Variants in MTSS1 observed in about 807,000 individuals in gnomAD.
The protein encoded by MTSS1 is protein MTSS 1.
Under a neutral mutation model 79.0 loss-of-function variants are expected in MTSS1, and 18 were observed. The observed-to-expected ratio is 0.23, with a 90% CI of 0.16 to 0.34. MTSS1 has a LOEUF of 0.34. MTSS1 is among the 10% of genes least tolerant of loss of function. The pLI, the probability that MTSS1 is intolerant of heterozygous loss-of-function variation, is 1.00. For missense variants in MTSS1, 815 were observed against 986.2 expected (o/e 0.83, Z 2.33); for synonymous variants, 341 against 368.6 (o/e 0.93, Z 0.86).
chr8:124,651,637 T>G (rs1204705128), intron 3 of MTSS1, among the ~76,000 whole-genome samples: 1 of 152,010 alleles, frequency 6.6e-6, no homozygotes, highest in East Asian at 1.9e-4. Flanking sequence ...AGAAAAGCAG[T>G]TATTTCGGTT....
At chr8:124,680,345 C>T (rs536237285) in intron 3 of MTSS1, among the ~76,000 whole-genome samples, 9 of 152,182 alleles carry the variant, frequency 5.9e-5, no homozygotes, top group East Asian at 1.9e-4. Context: ...GTCATCCGAA[C>T]GGGGTCCTCA....
At chr8:124,717,303 C>G (rs1057223968) in intron 1 of MTSS1, among the ~76,000 whole-genome samples, 1 of 151,982 alleles carries the variant, frequency 6.6e-6, no homozygotes, top group Non-Finnish European at 1.5e-5. Context: ...ACCAGCCTGG[C>G]CAACATGACA....
intron 4 of MTSS1, among the ~76,000 whole-genome samples, chr8:124,590,221 C>T (rs1429586364): frequency 6.6e-6 from 1 of 152,164 alleles, no homozygotes; most frequent in African/African-American, 2.4e-5. Context: ...CCCTTCTTCC[C>T]ATTTTCCCTG....
chr8:124,622,173 G>A (rs1248471626), intron 3 of MTSS1, among the ~76,000 whole-genome samples: 2 of 152,076 alleles, frequency 1.3e-5, no homozygotes, highest in Non-Finnish European at 2.9e-5. Context: ...CCTGGAGGAC[G>A]TTATGCTAAG....
At chr8:124,706,812 T>C (rs928455260) in intron 1 of MTSS1, among the ~76,000 whole-genome samples, 1 of 152,184 alleles carries the variant, frequency 6.6e-6, no homozygotes, top group Non-Finnish European at 1.5e-5. Flanking sequence ...TCAAGGCCCA[T>C]CAAGACATAG....
At chr8:124,653,431 T>C (rs938637489) in intron 3 of MTSS1, among the ~76,000 whole-genome samples, 1 of 152,168 alleles carries the variant, frequency 6.6e-6, no homozygotes, top group Non-Finnish European at 1.5e-5. Context: ...TTTGCTAACT[T>C]ATAAAAAACA....
intron 3 of MTSS1, among the ~76,000 whole-genome samples, chr8:124,698,812 G>A (rs182246705): frequency 2.4e-4 from 36 of 152,232 alleles, no homozygotes; most frequent in East Asian, 3.9e-4. Flanking sequence ...ATGACCCACC[G>A]CGCCTGACCA....
At chr8:124,596,618 G>A (rs1482897001) in intron 3 of MTSS1, among the ~76,000 whole-genome samples, 1 of 152,182 alleles carries the variant, frequency 6.6e-6, no homozygotes, top group East Asian at 1.9e-4. Flanking sequence ...GCTTTTGGGG[G>A]CTGCTGTAAC....
At chr8:124,656,865 C>T (rs1821059630) in intron 3 of MTSS1, among the ~76,000 whole-genome samples, 1 of 150,262 alleles carries the variant, frequency 6.7e-6, no homozygotes, top group African/African-American at 2.5e-5. Context: ...AGTATTCCAA[C>T]TGCAGGCAAC....
chr8:124,615,875 C>A (rs542098535), intron 3 of MTSS1, among the ~76,000 whole-genome samples: 63 of 152,190 alleles, frequency 4.1e-4, no homozygotes, highest in Non-Finnish European at 8.8e-4. Context: ...ACCAGCCGTT[C>A]AGGATCACAG....
intron 13 of MTSS1, 109 bp downstream of exon 13, chr8:124,555,633 C>T: frequency 5.5e-6 from 7 of 1,282,534 alleles, no homozygotes; most frequent in South Asian, 1.5e-5. Context: ...ATCCTGACAC[C>T]TGTTAGTTAG....
intron 3 of MTSS1, among the ~76,000 whole-genome samples, chr8:124,616,660 C>T (rs917787443): frequency 6.6e-6 from 1 of 152,192 alleles, no homozygotes; most frequent in South Asian, 2.1e-4. Flanking sequence ...CCCCCACATT[C>T]TTCAGCAACT....
chr8:124,576,598 C>T (rs2132313980), intron 6 of MTSS1, among the ~76,000 whole-genome samples: 1 of 152,272 alleles, frequency 6.6e-6, no homozygotes, highest in African/African-American at 2.4e-5. Flanking sequence ...AATGAAAGAA[C>T]AAACTAATAA....
intron 4 of MTSS1, among the ~76,000 whole-genome samples, chr8:124,590,877 T>C (rs1266318587): frequency 1.3e-5 from 2 of 152,204 alleles, no homozygotes; most frequent in Non-Finnish European, 2.9e-5. Flanking sequence ...CTCAGCAGGC[T>C]GCACCGGCTC....
chr8:124,714,335 G>A (rs1286994465), intron 1 of MTSS1, among the ~76,000 whole-genome samples: 1 of 152,184 alleles, frequency 6.6e-6, no homozygotes, highest in Middle Eastern at 3.2e-3. Flanking sequence ...TAGGAAAATC[G>A]GGCACAGAAA....
At chr8:124,626,617 T>C (rs1814725533) in intron 3 of MTSS1, among the ~76,000 whole-genome samples, 1 of 151,984 alleles carries the variant, frequency 6.6e-6, no homozygotes, top group Non-Finnish European at 1.5e-5. Flanking sequence ...CTAGTAAGGT[T>C]CCATTCAACA....
chr8:124,694,209 C>T (rs879747275), intron 3 of MTSS1, among the ~76,000 whole-genome samples: 5 of 151,990 alleles, frequency 3.3e-5, no homozygotes, highest in Admixed American at 6.6e-5. Context: ...CAGGGACTTG[C>T]GCGGAGTACA....
chr8:124,682,712 C>T (rs1363837752), intron 3 of MTSS1, among the ~76,000 whole-genome samples: 1 of 152,230 alleles, frequency 6.6e-6, no homozygotes, highest in Non-Finnish European at 1.5e-5. Flanking sequence ...CTAACTGAAA[C>T]AGCAGCTCCT....
chr8:124,565,566 GC>G, intron 9 of MTSS1, 95 bp downstream of exon 9: 1 of 998,756 alleles, frequency 1.0e-6, no homozygotes, highest in Admixed American at 2.3e-5. Context: ...TTGAGAATGA[GC>G]CATTCTAAGA....
Sources: gnomAD v4.1 joint callset for allele counts (sites outside exome capture counted in the v4.1 genomes callset) on GRCh38, gnomAD v4.1.1 for gene constraint, MANE v1.5 for transcripts, NCBI Gene and HGNC (gene_info 2026-07-23, HGNC 2026-07-21) for gene names.